The following ILRUN variants were observed in gnomAD, a reference collection of about 807,000 sequenced individuals.
ILRUN encodes the protein inflammation and lipid regulator with UBA-like and NBR1-like domains, also known as protein ILRUN.
In ILRUN, 3 loss-of-function variants were observed where a neutral mutation model predicts 33.8. That is an observed-to-expected ratio of 0.09 (90% confidence interval 0.04 to 0.23). The LOEUF is 0.23. Ranked by LOEUF, ILRUN falls within the 10% of genes least tolerant of loss-of-function variation. The pLI, the probability that ILRUN is intolerant of heterozygous loss-of-function variation, is 1.00. For synonymous variants in ILRUN, 124 were observed against 138.9 expected, an observed-to-expected ratio of 0.89 and a Z score of 0.75; for missense variants, 210 against 375.1, an observed-to-expected ratio of 0.56 and a Z score of 3.64.
chr6:34,668,554 T>C (rs1192879762), intron 1 of ILRUN, among the ~76,000 whole-genome samples: 1 of 151,988 alleles, frequency 6.6e-6, no homozygotes, highest in Non-Finnish European at 1.5e-5. Flanking sequence ...TAAAATAAAC[T>C]GATAAAAAGT....
At chr6:34,605,760 G>A (rs1483978732) in intron 4 of ILRUN, among the ~76,000 whole-genome samples, 1 of 152,166 alleles carries the variant, frequency 6.6e-6, no homozygotes, top group Non-Finnish European at 1.5e-5. Flanking sequence ...AACATGAATT[G>A]AAGCCAGGAC....
Position 34,696,230 on chromosome 6 carries a change from C to T in ILRUN, c.158+216G>A, listed in dbSNP as rs548695129. On this transcript the variant is annotated intron_variant, in intron 1 of 4. Coordinates refer to ENST00000374023, the MANE Select transcript of ILRUN (RefSeq NM_024294.4). ...CGCCCCCACCATCTCCCTTCCGCCC[C>T]TCCTGCCTCCGTGGTCCCTAACTCT... The T allele has an allele frequency of 7.5e-6, 4 of 534,438 alleles. No homozygotes were observed. In the East Asian group the frequency reaches 1.3e-4, roughly 17 times the overall value. 33.1% of individuals were successfully genotyped at this position (534,438 alleles called of 1,614,324 possible). A position where few individuals can be genotyped will look rare whatever the true frequency, so the allele number is the denominator to read the frequency against.
chr6:34,692,459 G>A (rs185307486), intron 1 of ILRUN, among the ~76,000 whole-genome samples: 35 of 152,274 alleles, frequency 2.3e-4, no homozygotes, highest in African/African-American at 8.4e-4. Context: ...TTGTCAACCT[G>A]TATTAGGACT....
chr6:34,690,227 G>A lies in ILRUN; in HGVS notation c.158+6219C>T, dbSNP rs191894000. 2.9e-3 allele frequency among the ~76,000 whole-genome samples: 447 copies of A among 152,248 alleles called. 2 individuals are homozygous for A. Among genetic ancestry groups the A allele is most frequent in the African/African-American group, 9.5e-3 (396 of 41,538 alleles). ...TGTAATCCCAGCACTTTGGGAGGCT[G>A]AGGCAGGCAGATCACCTGAGGTCAG... On this transcript the variant is annotated intron_variant, in intron 1 of 4. Coordinates refer to ENST00000374023, the MANE Select transcript of ILRUN (RefSeq NM_024294.4).
In ILRUN at chr6:34,687,708, A is replaced by AAT. The variant is rs202128580; in HGVS notation, c.158+8736_158+8737dup. On this transcript the variant is annotated intron_variant, in intron 1 of 4. Coordinates refer to ENST00000374023, the MANE Select transcript of ILRUN (RefSeq NM_024294.4). ...GCAAGACTCCATCTCCAAAAAAAAA[A>AAT]ATATATATATATATATATTTATAAA... is the stretch of plus-strand genomic sequence containing the variant. 9.4e-3 allele frequency among the ~76,000 whole-genome samples: 1,341 copies of AAT among 143,312 alleles called. 34 individuals are homozygous for AAT. The highest frequency in any genetic ancestry group is 0.09 in the East Asian group (455 of 5,054). The allele number at this position is 143,312 out of a possible 152,430, so 94.0% of individuals were successfully genotyped here. A position where few individuals can be genotyped will look rare whatever the true frequency, so the allele number is the denominator to read the frequency against.
intron 3 of ILRUN, among the ~76,000 whole-genome samples, chr6:34,626,683 C>G (rs886657438): frequency 1.3e-5 from 2 of 152,108 alleles, no homozygotes; most frequent in Non-Finnish European, 2.9e-5. Context: ...CGGGTTTGGA[C>G]AAATGTACAA....
chr6:34,614,437 A>ATATATATAT (rs1321613482), intron 3 of ILRUN, among the ~76,000 whole-genome samples: 27 of 124,606 alleles, frequency 2.2e-4, no homozygotes, highest in African/African-American at 8.1e-4. Flanking sequence ...ATAATAAAAA[A>ATATATATAT]AAAAAAATAT....
intron 3 of ILRUN, among the ~76,000 whole-genome samples, chr6:34,629,256 T>C (rs577444528): frequency 6.6e-6 from 1 of 152,360 alleles, no homozygotes; most frequent in Non-Finnish European, 1.5e-5. Context: ...TCAAGTTGTC[T>C]ATTTTTCTTG....
chr6:34,691,186 CCTAAA>C (rs1007839792), intron 1 of ILRUN, among the ~76,000 whole-genome samples: 13 of 152,108 alleles, frequency 8.5e-5, no homozygotes, highest in African/African-American at 2.7e-4. Context: ...CTGCACCTGG[CCTAAA>C]CTAAAGAATC....
rs1239523579 is a variant in ILRUN at position 34,620,744 on chromosome 6, A to G, written c.512-13840T>C. On this transcript the variant is annotated intron_variant, in intron 3 of 4. Coordinates refer to ENST00000374023, the MANE Select transcript of ILRUN (RefSeq NM_024294.4). ...CTCAGGAGGCTGAGGTGGGAGGACT[A>G]CTTGAGCCCTTACGTTTGAGGCTGC... 2.0e-5 allele frequency among the ~76,000 whole-genome samples: 3 copies of G among 152,188 alleles called. No homozygotes were observed. In the East Asian group the frequency reaches 5.8e-4, roughly 29 times the overall value.
In ILRUN at chr6:34,587,793, C is replaced by T. The variant is rs975053581; in HGVS notation, c.*2772G>A. 2.2e-5 allele frequency: 8 copies of T among 360,546 alleles called. No individual in the cohort carries two copies. The highest frequency in any genetic ancestry group is 3.5e-5 in the Non-Finnish European group (7 of 201,606). 22.3% of individuals were successfully genotyped at this position (360,546 alleles called of 1,614,324 possible). A position where few individuals can be genotyped will look rare whatever the true frequency, so the allele number is the denominator to read the frequency against. On this transcript the variant is annotated 3_prime_UTR_variant, in exon 5 of 5. Coordinates refer to ENST00000374023, the MANE Select transcript of ILRUN (RefSeq NM_024294.4). ...AAGAAAAAAAGCATGCACACGTGCA[C>T]ATCCATCCACACACACACACCTCAC...
At chr6:34,687,712 T>TATATATATATATATATATATATTTATAAA (rs1199633061) in intron 1 of ILRUN, among the ~76,000 whole-genome samples, 2 of 129,870 alleles carry the variant, frequency 1.5e-5, no homozygotes, top group African/African-American at 3.0e-5. Context: ...AAAAAAAATA[T>TATATATATATATATATATATATTTATAAA]ATATATATAT....
At chr6:34,597,440 C>T (rs1056841197) in intron 4 of ILRUN, among the ~76,000 whole-genome samples, 6 of 152,168 alleles carry the variant, frequency 3.9e-5, no homozygotes, top group African/African-American at 1.4e-4. Flanking sequence ...ATTCAAGTTC[C>T]TAGTCAGGTA....
intron 4 of ILRUN, among the ~76,000 whole-genome samples, chr6:34,599,124 TAGAACATTAGACTCAA>T (rs900744355): frequency 6.6e-6 from 1 of 152,216 alleles, no homozygotes; most frequent in African/African-American, 2.4e-5. Flanking sequence ...TAGTGTGGTC[TAGAACATTAGACTCAA>T]ACTGGATCCC....
At chr6:34,696,353 T>A (rs1763772996) in intron 1 of ILRUN, 93 bp downstream of exon 1, 1 of 1,367,276 alleles carries the variant, frequency 7.3e-7, no homozygotes, top group African/African-American at 1.5e-5. Context: ...AGTACCCGCC[T>A]GGCTCGCCCT....
intron 2 of ILRUN, among the ~76,000 whole-genome samples, chr6:34,654,350 T>C (rs933965678): frequency 6.6e-6 from 1 of 152,136 alleles, no homozygotes; most frequent in Non-Finnish European, 1.5e-5. Flanking sequence ...AGAAGTCTAG[T>C]TCCTAGTAAC....
chr6:34,611,896 A>T (rs1761761781), intron 3 of ILRUN, among the ~76,000 whole-genome samples: 1 of 152,184 alleles, frequency 6.6e-6, no homozygotes, highest in Non-Finnish European at 1.5e-5. Flanking sequence ...ATACCCAGGG[A>T]ACTAAAGCTA....
At chr6:34,608,110 A>T in intron 3 of ILRUN, among the ~76,000 whole-genome samples, 1 of 151,518 alleles carries the variant, frequency 6.6e-6, no homozygotes, top group East Asian at 1.9e-4. Flanking sequence ...AAAAAAAATT[A>T]CAGCCGTGGG....
chr6:34,666,182 C>G (rs1762995170), intron 1 of ILRUN, among the ~76,000 whole-genome samples: 1 of 152,188 alleles, frequency 6.6e-6, no homozygotes, highest in Non-Finnish European at 1.5e-5. Context: ...CTCTGACCCC[C>G]AACTCTACTC....
Sources: gnomAD v4.1 joint callset for allele counts (sites outside exome capture counted in the v4.1 genomes callset) on GRCh38, gnomAD v4.1.1 for gene constraint, MANE v1.5 for transcripts, NCBI Gene and HGNC (gene_info 2026-07-23, HGNC 2026-07-21) for gene names.